The following MAN1A2 variants were observed in gnomAD, a reference collection of about 807,000 sequenced individuals.
MAN1A2 encodes the protein mannosidase alpha class 1A member 2.
MAN1A2 carries 26 observed loss-of-function variants against 75.7 expected under a neutral mutation model. The ratio of observed to expected loss-of-function variants is 0.34; its 90% CI spans 0.25 to 0.48. The LOEUF (loss-of-function observed/expected upper bound fraction) is 0.48. Ranked by LOEUF, MAN1A2 falls within the 20% of genes least tolerant of loss-of-function variation. The pLI, the probability that MAN1A2 is intolerant of heterozygous loss-of-function variation, is 0.99. For synonymous variants in MAN1A2, 247 were observed against 264.6 expected, an observed-to-expected ratio of 0.93 and a Z score of 0.65; for missense variants, 562 against 775.5, an observed-to-expected ratio of 0.72 and a Z score of 3.27.
intron 1 of MAN1A2, among the ~76,000 whole-genome samples, chr1:117,371,953 G>A (rs1478586652): frequency 1.3e-5 from 2 of 152,156 alleles, no homozygotes; most frequent in Non-Finnish European, 2.9e-5. Context: ...CTCAGAGTGC[G>A]AAATAAGTAA....
intron 3 of MAN1A2, among the ~76,000 whole-genome samples, chr1:117,412,186 CTT>C: frequency 6.6e-6 from 1 of 151,572 alleles, no homozygotes; most frequent in East Asian, 1.9e-4. Context: ...TCTTTGAAAA[CTT>C]TTTTATTTCC....
intron 6 of MAN1A2, among the ~76,000 whole-genome samples, chr1:117,458,945 C>A (rs1012242104): frequency 2.6e-5 from 4 of 152,094 alleles, no homozygotes; most frequent in Admixed American, 6.6e-5. Context: ...CCAGTTCCAA[C>A]CAGGAAATAC....
intron 12 of MAN1A2, among the ~76,000 whole-genome samples, chr1:117,519,784 A>G (rs778968449): frequency 2.0e-5 from 3 of 152,020 alleles, no homozygotes; most frequent in Non-Finnish European, 2.9e-5. Flanking sequence ...TTTTGACACT[A>G]TTCCGCAAGA....
At chr1:117,430,035 AC>A (rs1430346392) in intron 5 of MAN1A2, among the ~76,000 whole-genome samples, 1 of 29,798 alleles carries the variant, frequency 3.4e-5, no homozygotes, top group African/African-American at 1.7e-4. Context: ...TGGGGGGCTG[AC>A]CCCCCCACCT....
chr1:117,488,233 A>G (rs1418848381), intron 8 of MAN1A2, among the ~76,000 whole-genome samples: 1 of 150,018 alleles, frequency 6.7e-6, no homozygotes, highest in African/African-American at 2.4e-5. Context: ...TTTTCTTGAG[A>G]CAGAGTCTCA....
rs932208955 is a variant in MAN1A2, at chr1:117,525,175, A to G, written c.*2218A>G. On this transcript the variant is annotated 3_prime_UTR_variant, in exon 13 of 13. Coordinates refer to ENST00000356554, the MANE Select transcript of MAN1A2 (RefSeq NM_006699.5). ...AGATGACTGAAGCTTAAGAGAAGGC[A>G]GGGAAGTATACAAGCAGAGCCAGTT... 5.8e-6 allele frequency: 3 copies of G among 518,400 alleles called. No homozygotes were observed. The Middle Eastern group carries it at 9.6e-4, about 167-fold the overall frequency. 32.1% of individuals were successfully genotyped at this position (518,400 alleles called of 1,614,324 possible). A position where few individuals can be genotyped will look rare whatever the true frequency, so the allele number is the denominator to read the frequency against.
intron 8 of MAN1A2, among the ~76,000 whole-genome samples, chr1:117,475,352 A>G (rs2101852418): frequency 6.6e-6 from 1 of 151,964 alleles, no homozygotes; most frequent in African/African-American, 2.4e-5. Context: ...CCATTTTATT[A>G]CATTGTATTT....
intron 12 of MAN1A2, among the ~76,000 whole-genome samples, chr1:117,506,698 C>T (rs1353809606): frequency 1.3e-5 from 2 of 151,450 alleles, no homozygotes; most frequent in South Asian, 4.2e-4. Flanking sequence ...TTTGCTTAAC[C>T]TGAAAAACAA....
At chr1:117,457,645 G>A (rs1315280550) in intron 6 of MAN1A2, among the ~76,000 whole-genome samples, 1 of 152,142 alleles carries the variant, frequency 6.6e-6, no homozygotes, top group African/African-American at 2.4e-5. Flanking sequence ...ATGGCAAACT[G>A]TTGGACTTCC....
At chr1:117,514,019 G>A (rs1382566469) in intron 12 of MAN1A2, among the ~76,000 whole-genome samples, 1 of 152,152 alleles carries the variant, frequency 6.6e-6, no homozygotes, top group Non-Finnish European at 1.5e-5. Flanking sequence ...CCTCTAGGAG[G>A]TAAGTATATG....
chr1:117,513,417 TC>T (rs1178329854), intron 12 of MAN1A2, among the ~76,000 whole-genome samples: 1 of 152,146 alleles, frequency 6.6e-6, no homozygotes, highest in Non-Finnish European at 1.5e-5. Flanking sequence ...AATAGTTCAT[TC>T]CTTTCTATTG....
At chr1:117,444,699 T>C (rs1171710042) in intron 6 of MAN1A2, among the ~76,000 whole-genome samples, 4 of 152,078 alleles carry the variant, frequency 2.6e-5, no homozygotes, top group Non-Finnish European at 5.9e-5. Context: ...TCCTAAGTCT[T>C]GCTTGAGTTC....
rs567372340 is a variant in MAN1A2 at position 117,492,987 on chromosome 1, A to C, written c.1169-160A>C. ...TAGAGGAAAGTGATTATGTGTGATT[A>C]CTTCTGGGACTAAATTTGAAGTATG... On this transcript the variant is annotated intron_variant, in intron 8 of 12. Transcript: ENST00000356554. Among the ~76,000 whole-genome samples the C allele has an allele frequency of 3.3e-5, 5 of 152,234 alleles. No homozygotes were observed. The South Asian group carries it at 1.0e-3, about 32-fold the overall frequency.
rs1213433077 is a variant in MAN1A2 at position 117,528,049 on chromosome 1, G to A, written c.*5092G>A. On this transcript the variant is annotated 3_prime_UTR_variant, in exon 13 of 13. Transcript: ENST00000356554. ...ATAACTCTCAATCCTTTACAAGTAA[G>A]TAGCATTATTTCAGAATGTCTATAT... 6.6e-6 allele frequency: 1 copy of A among 152,018 alleles called. No individual in the cohort carries two copies. The highest frequency in any genetic ancestry group is 1.5e-5 in the Non-Finnish European group (1 of 67,976). 9.4% of individuals were successfully genotyped at this position (152,018 alleles called of 1,614,324 possible). A position where few individuals can be genotyped will look rare whatever the true frequency, so the allele number is the denominator to read the frequency against.
intron 8 of MAN1A2, among the ~76,000 whole-genome samples, chr1:117,486,042 C>T (rs544090189): frequency 2.6e-5 from 4 of 151,994 alleles, no homozygotes; most frequent in Non-Finnish European, 4.4e-5. Context: ...TTCTTAAGCA[C>T]GGATAATTAA....
Position 117,523,100 on chromosome 1 carries a change from C to A in MAN1A2, c.*143C>A. 2 of 855,454 alleles carry A rather than the reference C, an allele frequency of 2.3e-6. No individual in the cohort carries two copies. The highest frequency in any genetic ancestry group is 2.5e-5 in the East Asian group (1 of 40,648). 53.0% of individuals were successfully genotyped at this position (855,454 alleles called of 1,614,324 possible). On this transcript the variant is annotated 3_prime_UTR_variant, in exon 13 of 13. Transcript: ENST00000356554. ...AACTATTCCCCCTAAGACTGTTCAACTTGTAGATACATCAACTTTGAAATT... is the reference window on the plus strand; with the variant it reads ...AACTATTCCCCCTAAGACTGTTCAAATTGTAGATACATCAACTTTGAAATT...
chr1:117,477,645 A>G (rs1383113321), intron 8 of MAN1A2, among the ~76,000 whole-genome samples: 1 of 152,062 alleles, frequency 6.6e-6, no homozygotes, highest in Non-Finnish European at 1.5e-5. Flanking sequence ...TCTCAAAATA[A>G]TAAGACCTAT....
At chr1:117,394,183 G>A (rs1476677846) in intron 1 of MAN1A2, among the ~76,000 whole-genome samples, 1 of 151,712 alleles carries the variant, frequency 6.6e-6, no homozygotes, top group Non-Finnish European at 1.5e-5. Context: ...CCGGGTTCAC[G>A]CCATTCTCCT....
chr1:117,409,394 A>T (rs1360013187), intron 3 of MAN1A2, among the ~76,000 whole-genome samples: 1 of 147,770 alleles, frequency 6.8e-6, no homozygotes, highest in Non-Finnish European at 1.5e-5. Context: ...TCTGTTACAG[A>T]TTTCTCGTTT....
Sources: gnomAD v4.1 joint callset for allele counts (sites outside exome capture counted in the v4.1 genomes callset) on GRCh38, gnomAD v4.1.1 for gene constraint, MANE v1.5 for transcripts, NCBI Gene and HGNC (gene_info 2026-07-23, HGNC 2026-07-21) for gene names.